Variants in MAU2 observed in about 807,000 individuals in gnomAD.
MAU2 encodes the protein MAU2 chromatid cohesion factor homolog.
A neutral mutation model predicts 89.1 loss-of-function variants in MAU2; 9 were observed. The observed-to-expected ratio is 0.10, with a 90% CI of 0.06 to 0.18. The LOEUF is 0.18. Ranked by LOEUF, MAU2 falls within the 10% of genes least tolerant of loss-of-function variation. The pLI is 1.00. For synonymous variants in MAU2, 357 were observed against 343.4 expected, an observed-to-expected ratio of 1.04 and a Z score of -0.44; for missense variants, 425 against 803.5, an observed-to-expected ratio of 0.53 and a Z score of 5.69.
intron 1 of MAU2, chr19:19,334,392 CCT>C (rs2061580054): frequency 1.0e-6 from 1 of 985,646 alleles, no homozygotes; most frequent in Admixed American, 6.2e-5. Context: ...CTCCTGGCCC[CCT>C]GTGTCTTGGC....
intron 1 of MAU2, among the ~76,000 whole-genome samples, chr19:19,328,284 A>C (rs576319683): frequency 4.1e-4 from 60 of 147,800 alleles, no homozygotes; most frequent in South Asian, 1.9e-3. Flanking sequence ...GTAAGTTTTC[A>C]TTCTTCTCCT....
intron 10 of MAU2, chr19:19,344,545 A>C (rs2061678751): frequency 4.2e-6 from 2 of 475,624 alleles, no homozygotes; most frequent in Admixed American, 6.8e-5. Flanking sequence ...CATTAGGAAC[A>C]CTCTACCCCC....
chr19:19,354,379 G>A lies in MAU2; in HGVS notation c.1573G>A (p.Ala525Thr). 6.2e-7 allele frequency: 1 copy of A among 1,614,060 alleles called. No homozygotes were observed. The highest frequency in any genetic ancestry group is 8.5e-7 in the Non-Finnish European group (1 of 1,179,990). The part of the protein sequence containing the change: ...HRESNNMVVP[A>T]MQLASKIPDM... ...GGAGAGTAACAACATGGTGGTGCCT[G>A]CCATGCAGCTCGCCAGCAAGATCCC... Residue 525 changes from alanine to threonine, a missense_variant, in exon 17 of 19, where the codon GCC becomes ACC. Physicochemically the swap from Ala to Thr is moderately conservative, Grantham distance 58. This residue lies in a region of MAU2 where 33 missense variants were observed against 94.1 expected (regional missense o/e 0.35). Transcript: ENST00000262815.
At chr19:19,355,613 G>A in intron 18 of MAU2, 95 bp from the exon 19 acceptor site, 2 of 1,272,212 alleles carry the variant, frequency 1.6e-6, no homozygotes, top group Non-Finnish European at 2.2e-6. Context: ...CAGAGTCCCG[G>A]CTGTGTGAGC....
chr19:19,320,840 T>C lies in MAU2; in HGVS notation c.-20T>C. The C allele has an allele frequency of 6.7e-7, 1 of 1,502,002 alleles. No individual in the cohort carries two copies. The highest frequency in any genetic ancestry group is 8.8e-7 in the Non-Finnish European group (1 of 1,138,562). The allele number at this position is 1,502,002 out of a possible 1,614,324, so 93.0% of individuals were successfully genotyped here. The stretch of plus-strand genomic sequence containing the variant: ...GCTTCCGCCTCCCTGTGGCGGCGGC[T>C]TGTTGTTGTGGAGGCCAAAATGGCG... On this transcript the variant is annotated 5_prime_UTR_variant, in exon 1 of 19. Coordinates refer to ENST00000262815, the MANE Select transcript of MAU2 (RefSeq NM_015329.4).
chr19:19,338,470 G>A lies in MAU2; in HGVS notation c.457-375G>A, dbSNP rs911798447. Among the ~76,000 whole-genome samples the A allele has an allele frequency of 5.9e-5, 9 of 152,274 alleles. 1 individual carries two copies. In the East Asian group the frequency reaches 7.7e-4, roughly 13 times the overall value. On this transcript the variant is annotated intron_variant, in intron 4 of 18. Coordinates refer to ENST00000262815, the MANE Select transcript of MAU2 (RefSeq NM_015329.4). ...GCCTCTGAGGGAGTCCCTCCTTGTC[G>A]GCCCTGGAACACACTAGGGACACCC...
intron 1 of MAU2, among the ~76,000 whole-genome samples, chr19:19,333,576 G>C (rs2061573881): frequency 6.6e-6 from 1 of 152,222 alleles, no homozygotes; most frequent in Non-Finnish European, 1.5e-5. Context: ...TTGTAGAAGG[G>C]GGTGTAGTAT....
intron 1 of MAU2, among the ~76,000 whole-genome samples, chr19:19,328,904 C>T (rs551055892): frequency 2.0e-5 from 3 of 152,212 alleles, no homozygotes; most frequent in South Asian, 4.2e-4. Flanking sequence ...TTTCTGACTG[C>T]GTATGCCATG....
chr19:19,335,792 G>T lies in MAU2; in HGVS notation c.294+57G>T. 6 of 1,590,906 alleles carry T rather than the reference G, an allele frequency of 3.8e-6. No individual in the cohort carries two copies. In the South Asian group the frequency reaches 6.6e-5, roughly 18 times the overall value. On this transcript the variant is annotated intron_variant, in intron 2 of 18. Coordinates refer to ENST00000262815, the MANE Select transcript of MAU2 (RefSeq NM_015329.4). ...AAGGAATTCTCCACTTAAATAAAAA[G>T]AATGTATCAAAGCTTGAATCCCACC...
chr19:19,343,277 C>T (rs545684348), intron 9 of MAU2, among the ~76,000 whole-genome samples: 54 of 152,346 alleles, frequency 3.5e-4, no homozygotes, highest in African/African-American at 1.3e-3. Flanking sequence ...GGACCTTTGA[C>T]TAGCACAAAC....
At chr19:19,343,808 G>A (rs1167565435) in intron 9 of MAU2, 29 bp from the exon 10 acceptor site, 3 of 1,569,740 alleles carry the variant, frequency 1.9e-6, no homozygotes, top group Non-Finnish European at 2.6e-6. Context: ...GGCCTCCCCT[G>A]CATGCTTACC....
In MAU2 at chr19:19,342,600, C is replaced by T. The variant is rs762539349; in HGVS notation, c.801C>T (p.His267=). 3.1e-5 allele frequency: 50 copies of T among 1,612,880 alleles called. No individual in the cohort carries two copies. Among genetic ancestry groups the T allele is most frequent in the Admixed American group, 5.0e-5 (3 of 59,920 alleles). ...QQCIQTISTL[H]DDEILPSNPA... ...GCATCCAGACCATCTCCACACTGCA[C>T]GATGATGAGATCCTGCCCAGCAACC... Residue 267 remains histidine, a synonymous_variant, in exon 8 of 19, where the codon CAC becomes CAT. Transcript: ENST00000262815.
chr19:19,355,715 A>G lies in MAU2; in HGVS notation c.1775A>G (p.Asp592Gly). 1 of 1,610,114 alleles carries G rather than the reference A, an allele frequency of 6.2e-7. No homozygotes were observed. The highest frequency in any genetic ancestry group is 8.5e-7 in the Non-Finnish European group (1 of 1,179,312). The change falls in exon 19 of 19, where the codon GAC (aspartate) becomes GGC (glycine). Residue 592 changes from aspartate to glycine, a missense_variant. Physicochemically the swap from Asp to Gly is moderately conservative, Grantham distance 94. Transcript: ENST00000262815. Reference sequence around the variant, plus strand: ...GTCCTCTCCTCCCCACAGTGGACAGACGGTCCACCCCCCGTGCAGTTCCAA... The same window carrying G: ...GTCCTCTCCTCCCCACAGTGGACAGGCGGTCCACCCCCCGTGCAGTTCCAA... ...LPEHNLITWTDGPPPVQFQAQ... is the reference protein window; with the variant it reads ...LPEHNLITWTGGPPPVQFQAQ...
At position 19,345,265 on chromosome 19, in the gene MAU2, C is replaced by T; in HGVS notation, c.1156-39C>T. 1.3e-6 allele frequency: 2 copies of T among 1,590,628 alleles called. No individual in the cohort carries two copies. Among genetic ancestry groups the T allele is most frequent in the Non-Finnish European group, 1.7e-6 (2 of 1,159,218 alleles). On this transcript the variant is annotated intron_variant, in intron 11 of 18. Transcript: ENST00000262815. The surrounding 1 kb of genome is among the most constrained non-coding windows in gnomAD (Gnocchi z 4.9). ...CGTGTCTCTGATCTGAGCCCCCTCC[C>T]CAGGGGCCGGCCCTGATGACAACAC...
chr19:19,340,356 C>T (rs1226885497), intron 5 of MAU2, among the ~76,000 whole-genome samples: 1 of 147,508 alleles, frequency 6.8e-6, no homozygotes, highest in Non-Finnish European at 1.5e-5. Context: ...AAAATAAAAA[C>T]AGGCCGGGCG....
chr19:19,338,970 C>T, intron 5 of MAU2, 31 bp downstream of exon 5: 1 of 1,549,636 alleles, frequency 6.5e-7, no homozygotes, highest in Non-Finnish European at 8.8e-7. Flanking sequence ...TTCCCTCCTG[C>T]TCTGTTAACA....
chr19:19,328,613 G>A (rs2061530633), intron 1 of MAU2, among the ~76,000 whole-genome samples: 1 of 152,006 alleles, frequency 6.6e-6, no homozygotes, highest in Non-Finnish European at 1.5e-5. Flanking sequence ...AGTAGAGACG[G>A]GGTTTCACCA....
chr19:19,330,478 C>T (rs1316084643), intron 1 of MAU2, among the ~76,000 whole-genome samples: 4 of 152,040 alleles, frequency 2.6e-5, no homozygotes, highest in East Asian at 2.0e-4. Flanking sequence ...CCATGGCTCA[C>T]GCCTGTAATC....
At chr19:19,326,724 A>ATG (rs1341309161) in intron 1 of MAU2, among the ~76,000 whole-genome samples, 3 of 129,734 alleles carry the variant, frequency 2.3e-5, no homozygotes, top group South Asian at 2.4e-4. Context: ...ATATATACAT[A>ATG]TATATATATA....
Sources: gnomAD v4.1 joint callset for allele counts (sites outside exome capture counted in the v4.1 genomes callset) on GRCh38, gnomAD v4.1.1 for gene constraint, gnomAD v4.1.1 regional missense constraint, Gnocchi (gnomAD v3.1) non-coding constraint, MANE v1.5 for transcripts, NCBI Gene and HGNC (gene_info 2026-07-23, HGNC 2026-07-21) for gene names.